CACNG5: variants seen among roughly 807,000 people sequenced by gnomAD.
The protein encoded by CACNG5 is voltage-dependent calcium channel gamma-5 subunit.
In CACNG5, 18 loss-of-function variants were observed where a neutral mutation model predicts 24.8. The observed-to-expected ratio is 0.73, with a 90% CI of 0.50 to 1.08. CACNG5 has a LOEUF of 1.08. Among genes scored for constraint, CACNG5 ranks in the 50% least tolerant of loss-of-function variants. The pLI, the probability that CACNG5 is intolerant of heterozygous loss-of-function variation, is 0.00. For missense variants in CACNG5, 349 were observed against 367.9 expected (o/e 0.95, Z 0.42); for synonymous variants, 157 against 149.1 (o/e 1.05, Z -0.39).
At chr17:66,856,334 T>A (rs1314739062) in intron 1 of CACNG5, among the ~76,000 whole-genome samples, 1 of 152,210 alleles carries the variant, frequency 6.6e-6, no homozygotes, top group Non-Finnish European at 1.5e-5. Context: ...ATAATTAAAC[T>A]TTTGATTTTG....
chr17:66,876,274 C>A (rs2143109140), intron 1 of CACNG5, among the ~76,000 whole-genome samples: 1 of 152,320 alleles, frequency 6.6e-6, no homozygotes, highest in South Asian at 2.1e-4. Context: ...GTATCAGAAT[C>A]TCTTGGAGCA....
In CACNG5 at chr17:66,837,802, A is replaced by G. The variant is rs777295248; in HGVS notation, c.-104+2552A>G. On this transcript the variant is annotated intron_variant, in intron 1 of 5. Transcript: ENST00000533854. Reference sequence around the variant, plus strand: ...AGGAGAGAGAACATTGTACTTTGCCAGCCTCATAGTTCTGCAGAGACAGGC... The same window carrying G: ...AGGAGAGAGAACATTGTACTTTGCCGGCCTCATAGTTCTGCAGAGACAGGC... Among the ~76,000 whole-genome samples the G allele has an allele frequency of 5.6e-4, 85 of 152,142 alleles. 1 individual carries two copies. The highest frequency in any genetic ancestry group is 1.1e-3 in the Non-Finnish European group (73 of 68,028).
At chr17:66,859,409 A>G (rs1481401525) in intron 1 of CACNG5, among the ~76,000 whole-genome samples, 1 of 152,104 alleles carries the variant, frequency 6.6e-6, no homozygotes, top group Non-Finnish European at 1.5e-5. Flanking sequence ...TGTGTCCTAC[A>G]TATCATTAGA....
chr17:66,847,358 AAG>A (rs1290137235), intron 1 of CACNG5, among the ~76,000 whole-genome samples: 3 of 152,172 alleles, frequency 2.0e-5, no homozygotes, highest in East Asian at 3.9e-4. Flanking sequence ...TATAAAGAAA[AAG>A]AGATTTAATG....
chr17:66,861,013 G>A (rs1976847944), intron 1 of CACNG5, among the ~76,000 whole-genome samples: 1 of 141,922 alleles, frequency 7.0e-6, no homozygotes, highest in South Asian at 2.5e-4. Flanking sequence ...TTTATATATT[G>A]TGCACATGCA....
Position 66,887,752 on chromosome 17 carries a change from C to T in CACNG5, c.*2512C>T, listed in dbSNP as rs1312925613. 6.6e-6 allele frequency among the ~76,000 whole-genome samples: 1 copy of T among 152,132 alleles called. No homozygotes were observed. The highest frequency in any genetic ancestry group is 1.5e-5 in the Non-Finnish European group (1 of 68,020). ...TCACTAGGTTCGGTCTTCACTGGCC[C>T]TGATGCTGAGCTGCTAAATGAAGGA... is the stretch of plus-strand genomic sequence containing the variant. On this transcript the variant is annotated 3_prime_UTR_variant, in exon 6 of 6. Transcript: ENST00000533854.
At chr17:66,868,501 A>G (rs1241253135) in intron 1 of CACNG5, among the ~76,000 whole-genome samples, 1 of 152,228 alleles carries the variant, frequency 6.6e-6, no homozygotes, top group Non-Finnish European at 1.5e-5. Flanking sequence ...ACAATGTGGC[A>G]GAGAGAGTTT....
chr17:66,891,214 G>A lies in CACNG5; in HGVS notation c.*5974G>A, dbSNP rs1382873723. Among the ~76,000 whole-genome samples, 2 of 152,136 alleles carry A rather than the reference G, an allele frequency of 1.3e-5. No individual in the cohort carries two copies. On this transcript the variant is annotated 3_prime_UTR_variant, in exon 6 of 6. Coordinates refer to ENST00000533854, the MANE Select transcript of CACNG5 (RefSeq NM_145811.3). ...AGCAGACTTCATGTCATGTCTCATTGGCCAAAACCAAGTCACATGCCCATT... is the reference window on the plus strand; with the variant it reads ...AGCAGACTTCATGTCATGTCTCATTAGCCAAAACCAAGTCACATGCCCATT...
Position 66,884,987 on chromosome 17 carries a change from C to T in CACNG5, c.575C>T (p.Ala192Val), listed in dbSNP as rs906859287. 6.2e-7 allele frequency: 1 copy of T among 1,613,992 alleles called. No individual in the cohort carries two copies. The highest frequency in any genetic ancestry group is 8.5e-7 in the Non-Finnish European group (1 of 1,179,994). ...TCTGCTGTCTTCTCCCTGTAGAGTG[C>T]CGGGGTGATGTCTGTGTACCTGTTT... Reference protein sequence around the residue: ...AAISFLLTESAGVMSVYLFMK... With the variant: ...AAISFLLTESVGVMSVYLFMK... The change falls in exon 6 of 6, where the codon GCC becomes GTC. Residue 192 changes from alanine (A) to valine (V), a missense_variant. Ala to Val is a moderately conservative substitution (Grantham distance 64). Coordinates refer to ENST00000533854, the MANE Select transcript of CACNG5 (RefSeq NM_145811.3).
chr17:66,841,105 G>A (rs1756256390), intron 1 of CACNG5, among the ~76,000 whole-genome samples: 1 of 152,258 alleles, frequency 6.6e-6, no homozygotes. Context: ...AGGTGGTTGG[G>A]GGCACAGCTT....
Position 66,886,166 on chromosome 17 carries a change from T to C in CACNG5, c.*926T>C, listed in dbSNP as rs1191819929. Among the ~76,000 whole-genome samples the C allele has an allele frequency of 1.3e-5, 2 of 152,200 alleles. No individual in the cohort carries two copies. Among genetic ancestry groups the C allele is most frequent in the Non-Finnish European group, 2.9e-5 (2 of 68,022 alleles). ...CGGACCAAGGCCCTAAGATGGAATC[T>C]TGTAGACATCTGTCTAAACCACCTA... is the stretch of plus-strand genomic sequence containing the variant. On this transcript the variant is annotated 3_prime_UTR_variant, in exon 6 of 6. Coordinates refer to ENST00000533854, the MANE Select transcript of CACNG5 (RefSeq NM_145811.3).
chr17:66,863,112 T>A (rs1236595578), intron 1 of CACNG5, among the ~76,000 whole-genome samples: 1 of 152,156 alleles, frequency 6.6e-6, no homozygotes, highest in Non-Finnish European at 1.5e-5. Flanking sequence ...GCCCTTCTTT[T>A]TTTTCTAATA....
chr17:66,886,728 G>C lies in CACNG5; in HGVS notation c.*1488G>C, dbSNP rs1027818046. ...TGGTGTGCGCAGCCTTGGAGAGGCGGTGTGTCAGGCAGCCGGGCTGCCGCA... is the reference window on the plus strand; with the variant it reads ...TGGTGTGCGCAGCCTTGGAGAGGCGCTGTGTCAGGCAGCCGGGCTGCCGCA... On this transcript the variant is annotated 3_prime_UTR_variant, in exon 6 of 6. Coordinates refer to ENST00000533854, the MANE Select transcript of CACNG5 (RefSeq NM_145811.3). Among the ~76,000 whole-genome samples, 1 of 152,218 alleles carries C rather than the reference G, an allele frequency of 6.6e-6. No homozygotes were observed. The highest frequency in any genetic ancestry group is 1.5e-5 in the Non-Finnish European group (1 of 68,042).
intron 3 of CACNG5, among the ~76,000 whole-genome samples, chr17:66,880,194 AG>A (rs1977137258): frequency 6.6e-6 from 1 of 151,654 alleles, no homozygotes; most frequent in African/African-American, 2.4e-5. Flanking sequence ...TGCCTGGAAG[AG>A]GAAGCAAGAT....
intron 1 of CACNG5, among the ~76,000 whole-genome samples, chr17:66,840,075 G>A (rs1416926623): frequency 2.0e-5 from 3 of 152,106 alleles, no homozygotes; most frequent in African/African-American, 7.2e-5. Flanking sequence ...AATCTCTCTG[G>A]CCCTCAGTTT....
rs944165792 is a variant in CACNG5 at position 66,885,726 on chromosome 17, G to C, written c.*486G>C. Among the ~76,000 whole-genome samples the C allele has an allele frequency of 1.3e-5, 2 of 152,224 alleles. No homozygotes were observed. The highest frequency in any genetic ancestry group is 2.9e-5 in the Non-Finnish European group (2 of 68,048). On this transcript the variant is annotated 3_prime_UTR_variant, in exon 6 of 6. Coordinates refer to ENST00000533854, the MANE Select transcript of CACNG5 (RefSeq NM_145811.3). Reference sequence around the variant, plus strand: ...GGCCGAAAGGTGACTCTGATATAGAGGTCTGGCTGACTTAGACATGTCAAG... The same window carrying C: ...GGCCGAAAGGTGACTCTGATATAGACGTCTGGCTGACTTAGACATGTCAAG...
intron 1 of CACNG5, among the ~76,000 whole-genome samples, chr17:66,869,996 T>C (rs1427997216): frequency 6.6e-6 from 1 of 151,742 alleles, no homozygotes; most frequent in Non-Finnish European, 1.5e-5. Flanking sequence ...GGCAGGAGAA[T>C]CGCTTGAACC....
rs1317740311 is a variant in CACNG5 at position 66,894,535 on chromosome 17, A to G, written c.*9295A>G. 6.6e-6 allele frequency among the ~76,000 whole-genome samples: 1 copy of G among 151,976 alleles called. No individual in the cohort carries two copies. The highest frequency in any genetic ancestry group is 1.5e-5 in the Non-Finnish European group (1 of 68,006). Reference sequence around the variant, plus strand: ...TCCTAGTGCAGAATCTGAGTTAGTTACCCTCTCCAGTTCATGATGTGCAGC... The same window carrying G: ...TCCTAGTGCAGAATCTGAGTTAGTTGCCCTCTCCAGTTCATGATGTGCAGC... On this transcript the variant is annotated 3_prime_UTR_variant, in exon 6 of 6. Coordinates refer to ENST00000533854, the MANE Select transcript of CACNG5 (RefSeq NM_145811.3).
chr17:66,861,563 C>A (rs932642378), intron 1 of CACNG5, among the ~76,000 whole-genome samples: 3 of 152,182 alleles, frequency 2.0e-5, no homozygotes, highest in Non-Finnish European at 4.4e-5. Flanking sequence ...GTGAGGGAGG[C>A]TGAGGAAGGG....
Sources: gnomAD v4.1 joint callset for allele counts (sites outside exome capture counted in the v4.1 genomes callset) on GRCh38, gnomAD v4.1.1 for gene constraint, MANE v1.5 for transcripts, NCBI Gene and HGNC (gene_info 2026-07-23, HGNC 2026-07-21) for gene names.